RALGAPA1: variants seen among roughly 807,000 people sequenced by gnomAD.
The protein encoded by RALGAPA1 is ral GTPase-activating protein subunit alpha-1.
In RALGAPA1, 52 loss-of-function variants were observed where a neutral mutation model predicts 269.6. The observed-to-expected ratio is 0.19, with a 90% CI of 0.15 to 0.24. RALGAPA1 has a LOEUF of 0.24. Among genes scored for constraint, RALGAPA1 ranks in the 10% least tolerant of loss-of-function variants. RALGAPA1 has a pLI of 1.00. For synonymous variants in RALGAPA1, 817 were observed against 1,008.3 expected, an observed-to-expected ratio of 0.81 and a Z score of 3.60; for missense variants, 1,917 against 3,013.9, an observed-to-expected ratio of 0.64 and a Z score of 8.52.
chr14:35,801,705 C>T (rs2076990578), intron 1 of RALGAPA1, among the ~76,000 whole-genome samples: 1 of 152,168 alleles, frequency 6.6e-6, no homozygotes, highest in African/African-American at 2.4e-5. Flanking sequence ...ACATCCATTC[C>T]TGATAGAAAC....
At chr14:35,793,071 T>C (rs7144612) in intron 1 of RALGAPA1, among the ~76,000 whole-genome samples, 52,803 of 151,776 alleles carry the variant, frequency 0.35, 12,684 homozygotes, top group African/African-American at 0.67. Flanking sequence ...GGTTGCCCCA[T>C]AGACATTTCA....
At chr14:35,663,970 T>C (rs1478170824) in intron 27 of RALGAPA1, among the ~76,000 whole-genome samples, 1 of 152,156 alleles carries the variant, frequency 6.6e-6, no homozygotes, top group Non-Finnish European at 1.5e-5. Flanking sequence ...TTGATGGAAT[T>C]ATTTATCAAC....
intron 41 of RALGAPA1, among the ~76,000 whole-genome samples, chr14:35,540,080 C>T (rs1307090825): frequency 6.6e-6 from 1 of 152,090 alleles, no homozygotes; most frequent in Admixed American, 6.5e-5. Context: ...AAAGAGCCTT[C>T]ACTACTCAAA....
chr14:35,765,238 A>G (rs1323731782), intron 4 of RALGAPA1, among the ~76,000 whole-genome samples: 1 of 152,046 alleles, frequency 6.6e-6, no homozygotes, highest in Non-Finnish European at 1.5e-5. Flanking sequence ...TAACTTTATA[A>G]TTTATCTTGT....
chr14:35,669,885 G>A (rs2064260956), intron 26 of RALGAPA1, among the ~76,000 whole-genome samples: 1 of 152,088 alleles, frequency 6.6e-6, no homozygotes, highest in Non-Finnish European at 1.5e-5. Flanking sequence ...CCACAAAAGG[G>A]CTCAGTACAA....
At chr14:35,751,274 A>G (rs1291402510) in intron 8 of RALGAPA1, among the ~76,000 whole-genome samples, 1 of 152,224 alleles carries the variant, frequency 6.6e-6, no homozygotes, top group African/African-American at 2.4e-5. Context: ...CTATATAAAT[A>G]CTGGATGAAA....
intron 39 of RALGAPA1, 28 bp from the exon 40 acceptor site, chr14:35,549,262 T>TA (rs2054748920): frequency 6.2e-7 from 1 of 1,608,082 alleles, no homozygotes; most frequent in Non-Finnish European, 8.5e-7. Context: ...AGGATAAACT[T>TA]AAGTGCAGCT....
chr14:35,715,961 G>A (rs976446433), intron 16 of RALGAPA1: 10 of 985,222 alleles, frequency 1.0e-5, no homozygotes, highest in Non-Finnish European at 1.2e-5. Context: ...CCAGTGGTAC[G>A]ACGAAATGCT....
chr14:35,645,755 C>A (rs1172318385), intron 31 of RALGAPA1, among the ~76,000 whole-genome samples: 2 of 151,660 alleles, frequency 1.3e-5, no homozygotes, highest in Non-Finnish European at 2.9e-5. Context: ...AAAAGATATC[C>A]CAGTAGCAAT....
intron 17 of RALGAPA1, among the ~76,000 whole-genome samples, chr14:35,699,808 C>T (rs1275711370): frequency 1.3e-5 from 2 of 151,042 alleles, no homozygotes; most frequent in Non-Finnish European, 2.9e-5. Context: ...GATTATCTTC[C>T]TAAGTCATCT....
intron 1 of RALGAPA1, among the ~76,000 whole-genome samples, chr14:35,794,107 T>G (rs1330786360): frequency 6.6e-6 from 1 of 152,176 alleles, no homozygotes; most frequent in Non-Finnish European, 1.5e-5. Flanking sequence ...TTACATTATA[T>G]ATAAATTAAA....
intron 17 of RALGAPA1, among the ~76,000 whole-genome samples, chr14:35,697,655 T>C (rs1263912030): frequency 6.6e-6 from 1 of 151,730 alleles, no homozygotes; most frequent in Non-Finnish European, 1.5e-5. Context: ...CCAACAGTTT[T>C]GTTTTTTTTT....
chr14:35,708,712 T>C (rs2068026899), intron 16 of RALGAPA1, among the ~76,000 whole-genome samples: 1 of 152,034 alleles, frequency 6.6e-6, no homozygotes, highest in Admixed American at 6.5e-5. Flanking sequence ...AAACTAGAAA[T>C]AGAGCTACCA....
intron 37 of RALGAPA1, among the ~76,000 whole-genome samples, chr14:35,584,459 T>C (rs948221288): frequency 2.0e-5 from 3 of 152,104 alleles, no homozygotes; most frequent in African/African-American, 7.2e-5. Flanking sequence ...TAAACAAGGT[T>C]TCACCATGTT....
chr14:35,624,252 T>G (rs903302422), intron 35 of RALGAPA1, among the ~76,000 whole-genome samples: 1 of 146,516 alleles, frequency 6.8e-6, no homozygotes, highest in Non-Finnish European at 1.5e-5. Context: ...ATATAGATTA[T>G]ATTTTTGTTT....
rs2062344501 is a variant in RALGAPA1 at position 35,645,349 on chromosome 14, GTGT to G, written c.5676+6453_5676+6455del. Among the ~76,000 whole-genome samples, 266 of 62,102 alleles carry G rather than the reference GTGT, an allele frequency of 4.3e-3. 1 individual carries two copies. The highest frequency in any genetic ancestry group is 0.014 in the African/African-American group (253 of 17,742). The allele number at this position is 62,102 out of a possible 152,430, so 40.7% of individuals were successfully genotyped here. A position where few individuals can be genotyped will look rare whatever the true frequency, so the allele number is the denominator to read the frequency against. On this transcript the variant is annotated intron_variant, in intron 31 of 41. Transcript: ENST00000680220. ...GTCTATAGCAGATATAGAGATGGGT[GTGT>G]GTGTGTGTGTGTGTGTGTGTGTGTG...
intron 39 of RALGAPA1, among the ~76,000 whole-genome samples, chr14:35,551,498 T>C (rs1199967824): frequency 6.6e-6 from 1 of 152,152 alleles, no homozygotes; most frequent in Non-Finnish European, 1.5e-5. Flanking sequence ...CTTGAATGGG[T>C]AAAATGCTTC....
intron 4 of RALGAPA1, chr14:35,766,553 A>C (rs2074166445): frequency 3.4e-6 from 3 of 894,016 alleles, no homozygotes; most frequent in Non-Finnish European, 5.6e-6. Context: ...CGAGTATAGC[A>C]AGATCTGATG....
intron 33 of RALGAPA1, among the ~76,000 whole-genome samples, chr14:35,632,929 T>G (rs2139700282): frequency 6.6e-6 from 1 of 152,340 alleles, no homozygotes; most frequent in East Asian, 1.9e-4. Context: ...AATCATGTGC[T>G]GTTAGCTCAC....
Sources: gnomAD v4.1 joint callset for allele counts (sites outside exome capture counted in the v4.1 genomes callset) on GRCh38, gnomAD v4.1.1 for gene constraint, MANE v1.5 for transcripts, NCBI Gene and HGNC (gene_info 2026-07-23, HGNC 2026-07-21) for gene names.